EXOC6B: variants seen among roughly 807,000 people sequenced by gnomAD.
EXOC6B encodes the protein SEC15 homolog B.
Under a neutral mutation model 113.5 loss-of-function variants are expected in EXOC6B, and 54 were observed. That is an observed-to-expected ratio of 0.48 (90% CI 0.38 to 0.60). The LOEUF (loss-of-function observed/expected upper bound fraction) is 0.60. Among genes scored for constraint, EXOC6B ranks in the 20% least tolerant of loss-of-function variants. EXOC6B has a pLI of 0.00. For missense variants in EXOC6B, 797 were observed against 977.5 expected, an observed-to-expected ratio of 0.82 and a Z score of 2.46; for synonymous variants, 357 against 339.0, an observed-to-expected ratio of 1.05 and a Z score of -0.58.
intron 18 of EXOC6B, among the ~76,000 whole-genome samples, chr2:72,423,603 T>A (rs1049845173): frequency 6.6e-6 from 1 of 152,208 alleles, no homozygotes; most frequent in Non-Finnish European, 1.5e-5. Flanking sequence ...TATAACTTAA[T>A]GCTTTTACAT....
At chr2:72,592,000 T>G (rs557799195) in intron 6 of EXOC6B, among the ~76,000 whole-genome samples, 43 of 152,058 alleles carry the variant, frequency 2.8e-4, no homozygotes, top group Admixed American at 2.5e-3. Context: ...TAATATTATG[T>G]TGTTTTAAAA....
At chr2:72,319,190 G>A (rs1474826116) in intron 20 of EXOC6B, among the ~76,000 whole-genome samples, 2 of 151,980 alleles carry the variant, frequency 1.3e-5, no homozygotes, top group South Asian at 2.1e-4. Context: ...ATGATGGTCT[G>A]TAAAACTGAT....
intron 6 of EXOC6B, among the ~76,000 whole-genome samples, chr2:72,643,514 C>T (rs1673430241): frequency 6.8e-6 from 1 of 147,312 alleles, no homozygotes. Flanking sequence ...ATCGCAAGAA[C>T]AAAAAACCAA....
At chr2:72,565,043 T>C (rs1704081419) in intron 7 of EXOC6B, among the ~76,000 whole-genome samples, 1 of 152,132 alleles carries the variant, frequency 6.6e-6, no homozygotes, top group Non-Finnish European at 1.5e-5. Context: ...CCCTCAAGAA[T>C]TCTCTGCTTA....
intron 20 of EXOC6B, among the ~76,000 whole-genome samples, chr2:72,235,976 G>A (rs1681935736): frequency 6.6e-6 from 1 of 152,130 alleles, no homozygotes; most frequent in South Asian, 2.1e-4. Flanking sequence ...CTTAACAGAT[G>A]TCAGTTGATG....
chr2:72,379,118 A>G (rs908204662), intron 19 of EXOC6B, among the ~76,000 whole-genome samples: 1 of 152,212 alleles, frequency 6.6e-6, no homozygotes, highest in African/African-American at 2.4e-5. Context: ...TGACTGTAAT[A>G]TACATGAGAA....
intron 11 of EXOC6B, among the ~76,000 whole-genome samples, chr2:72,508,631 G>A (rs575886018): frequency 1.6e-4 from 25 of 151,904 alleles, no homozygotes; most frequent in African/African-American, 5.1e-4. Context: ...AAAATTAGTC[G>A]GGCATGGTGG....
intron 20 of EXOC6B, among the ~76,000 whole-genome samples, chr2:72,214,860 G>A (rs148424134): frequency 6.6e-6 from 1 of 152,290 alleles, no homozygotes; most frequent in African/African-American, 2.4e-5. Context: ...ATTTTGCTTT[G>A]GGGTTGTGAA....
chr2:72,323,290 A>G (rs1184683114), intron 20 of EXOC6B, among the ~76,000 whole-genome samples: 1 of 152,212 alleles, frequency 6.6e-6, no homozygotes, highest in East Asian at 1.9e-4. Flanking sequence ...ATGAGATACC[A>G]TCTCATGACA....
At chr2:72,372,751 A>C (rs1042278238) in intron 19 of EXOC6B, among the ~76,000 whole-genome samples, 14 of 152,108 alleles carry the variant, frequency 9.2e-5, no homozygotes, top group Non-Finnish European at 1.5e-4. Flanking sequence ...AGGCTGAGGC[A>C]GGAGAATTGC....
chr2:72,464,316 G>A (rs1315775808), intron 18 of EXOC6B: 4 of 152,198 alleles, frequency 2.6e-5, no homozygotes, highest in Admixed American at 6.5e-5. Context: ...GTGAAGAGCA[G>A]GAATTTCTAT....
At chr2:72,725,318 G>T (rs1302937941) in intron 5 of EXOC6B, among the ~76,000 whole-genome samples, 1 of 152,012 alleles carries the variant, frequency 6.6e-6, no homozygotes, top group Non-Finnish European at 1.5e-5. Flanking sequence ...ATCCATCAAG[G>T]ATTTTTTTTA....
At chr2:72,554,975 A>G (rs1384997909) in intron 8 of EXOC6B, among the ~76,000 whole-genome samples, 2 of 151,412 alleles carry the variant, frequency 1.3e-5, no homozygotes, top group African/African-American at 4.9e-5. Flanking sequence ...CTCATTGTTC[A>G]ACTCCCACCT....
intron 17 of EXOC6B, among the ~76,000 whole-genome samples, chr2:72,467,583 T>C (rs1053804480): frequency 1.3e-5 from 2 of 152,200 alleles, no homozygotes; most frequent in African/African-American, 4.8e-5. Context: ...TGACTAATGA[T>C]GTTGAATATT....
chr2:72,795,586 G>C (rs151071282), intron 1 of EXOC6B, among the ~76,000 whole-genome samples: 61 of 151,924 alleles, frequency 4.0e-4, no homozygotes, highest in African/African-American at 1.2e-3. Context: ...AAAAAATAAA[G>C]AAAGAAAATA....
In EXOC6B at chr2:72,324,691, CAGCTAGT is replaced by C. The variant is rs1298881342; in HGVS notation, c.2196+10249_2196+10255del. 1.3e-5 allele frequency among the ~76,000 whole-genome samples: 2 copies of C among 152,124 alleles called. 1 individual carries two copies. Among genetic ancestry groups the C allele is most frequent in the African/African-American group, 4.8e-5 (2 of 41,412 alleles). On this transcript the variant is annotated intron_variant, in intron 20 of 21. Coordinates refer to ENST00000272427, the MANE Select transcript of EXOC6B (RefSeq NM_015189.3). ...AGGTCAAATAATTTGCCAAATGTCA[CAGCTAGT>C]AACGTAAGGTCTGCTCAGTTCCAAA...
intron 6 of EXOC6B, among the ~76,000 whole-genome samples, chr2:72,670,283 C>T (rs1372349961): frequency 6.6e-6 from 1 of 152,032 alleles, no homozygotes; most frequent in Non-Finnish European, 1.5e-5. Context: ...GTTTATACTA[C>T]ATTTAGGGCA....
At chr2:72,655,558 T>A (rs2104422988) in intron 6 of EXOC6B, among the ~76,000 whole-genome samples, 1 of 152,194 alleles carries the variant, frequency 6.6e-6, no homozygotes, top group Non-Finnish European at 1.5e-5. Flanking sequence ...TCCATTCACA[T>A]AAACTCCATT....
chr2:72,512,364 GA>G lies in EXOC6B; in HGVS notation c.1167+767del, dbSNP rs1700968129. On this transcript the variant is annotated intron_variant, in intron 11 of 21. Coordinates refer to ENST00000272427, the MANE Select transcript of EXOC6B (RefSeq NM_015189.3). ...GGAAGGAAGGAAGGAAGGAAGGAAG[GA>G]AAGAAGGAAGGAAGGAAGGAAGGAA... 9.0e-4 allele frequency among the ~76,000 whole-genome samples: 15 copies of G among 16,686 alleles called. 1 individual carries two copies. In the South Asian group the frequency reaches 0.013, roughly 14 times the overall value. The allele number at this position is 16,686 out of a possible 152,430, so 10.9% of individuals were successfully genotyped here.
Sources: gnomAD v4.1 joint callset for allele counts (sites outside exome capture counted in the v4.1 genomes callset) on GRCh38, gnomAD v4.1.1 for gene constraint, MANE v1.5 for transcripts, NCBI Gene and HGNC (gene_info 2026-07-23, HGNC 2026-07-21) for gene names.